Variants in LYN observed in about 807,000 individuals in gnomAD.
LYN encodes the protein tyrosine-protein kinase Lyn.
In LYN, 12 loss-of-function variants were observed where a neutral mutation model predicts 65.0. That is an observed-to-expected ratio of 0.18 (90% CI 0.12 to 0.30). LYN has a LOEUF of 0.30. Ranked by LOEUF, LYN falls within the 10% of genes least tolerant of loss-of-function variation. The pLI is 1.00. For missense variants in LYN, 380 were observed against 623.2 expected, an observed-to-expected ratio of 0.61 and a Z score of 4.16; for synonymous variants, 222 against 221.2, an observed-to-expected ratio of 1.00 and a Z score of -0.03.
At chr8:55,908,903 C>T (rs1805503958) in intron 1 of LYN, among the ~76,000 whole-genome samples, 1 of 150,272 alleles carries the variant, frequency 6.7e-6, no homozygotes, top group South Asian at 2.1e-4. Context: ...TATGTTGCTG[C>T]AAAATACATA....
intron 10 of LYN, among the ~76,000 whole-genome samples, chr8:55,994,071 G>A (rs1808312416): frequency 6.6e-6 from 1 of 152,172 alleles, no homozygotes; most frequent in African/African-American, 2.4e-5. Context: ...ATTTCTTCCT[G>A]CTGTTTGAAA....
chr8:55,970,379 C>G (rs1318101389), intron 10 of LYN, among the ~76,000 whole-genome samples: 1 of 152,178 alleles, frequency 6.6e-6, no homozygotes, highest in Non-Finnish European at 1.5e-5. Context: ...AGAGCAGAAG[C>G]AAGTTATCCA....
intron 1 of LYN, among the ~76,000 whole-genome samples, chr8:55,907,885 T>C (rs924952651): frequency 6.6e-6 from 1 of 151,868 alleles, no homozygotes; most frequent in African/African-American, 2.4e-5. Flanking sequence ...AGTAAGTAGT[T>C]TAAATAAATA....
intron 12 of LYN, among the ~76,000 whole-genome samples, chr8:56,008,306 C>T (rs1808729119): frequency 6.6e-6 from 1 of 152,148 alleles, no homozygotes. Flanking sequence ...TCCCCTGAAG[C>T]TGCCACTTAT....
intron 1 of LYN, among the ~76,000 whole-genome samples, chr8:55,938,422 G>A (rs1263982540): frequency 6.6e-6 from 1 of 152,212 alleles, no homozygotes; most frequent in Non-Finnish European, 1.5e-5. Context: ...GATATAAAGT[G>A]CATTATAAGC....
Position 56,012,597 on chromosome 8 carries a change from T to G in LYN, c.*2487T>G, listed in dbSNP as rs1360035001. The G allele has an allele frequency of 6.5e-6, 1 of 153,012 alleles. No homozygotes were observed. Among genetic ancestry groups the G allele is most frequent in the African/African-American group, 2.4e-5 (1 of 41,424 alleles). The allele number at this position is 153,012 out of a possible 1,614,324, so 9.5% of individuals were successfully genotyped here. On this transcript the variant is annotated 3_prime_UTR_variant, in exon 13 of 13. Transcript: ENST00000519728. ...AGCTAAGTGTGGTGGCACATACCTA[T>G]GGTCCCAGCTACTCAGGAGGCTGAG... is the stretch of plus-strand genomic sequence containing the variant.
intron 12 of LYN, among the ~76,000 whole-genome samples, chr8:56,005,331 A>G (rs1187517994): frequency 6.6e-6 from 1 of 152,180 alleles, no homozygotes. Flanking sequence ...CTGGTCTTCC[A>G]TACCACACTT....
At chr8:55,994,117 A>G (rs2130575259) in intron 10 of LYN, among the ~76,000 whole-genome samples, 1 of 152,304 alleles carries the variant, frequency 6.6e-6, no homozygotes, top group South Asian at 2.1e-4. Flanking sequence ...TAAATAGACC[A>G]CCTTCAACAA....
chr8:55,934,347 AT>A (rs774025589), intron 1 of LYN, among the ~76,000 whole-genome samples: 1 of 152,220 alleles, frequency 6.6e-6, no homozygotes, highest in Non-Finnish European at 1.5e-5. Flanking sequence ...GTCTTCCATC[AT>A]TACTGTTTCT....
intron 12 of LYN, among the ~76,000 whole-genome samples, chr8:56,003,525 C>T (rs923904619): frequency 1.3e-5 from 2 of 151,826 alleles, no homozygotes; most frequent in Non-Finnish European, 2.9e-5. Context: ...AAAATTAGCC[C>T]GGCGTGGTGG....
At chr8:55,881,031 C>A (rs1427875677) in intron 1 of LYN, among the ~76,000 whole-genome samples, 1 of 152,106 alleles carries the variant, frequency 6.6e-6, no homozygotes, top group Non-Finnish European at 1.5e-5. Context: ...TTTAGGGGAC[C>A]GATTATTGAA....
Position 55,939,462 on chromosome 8 carries a change from AAGAG to A in LYN, c.-5-2371_-5-2368del, listed in dbSNP as rs111951441. 4.1e-3 allele frequency among the ~76,000 whole-genome samples: 603 copies of A among 148,276 alleles called. 4 individuals carry two copies. The highest frequency in any genetic ancestry group is 7.2e-3 in the African/African-American group (286 of 39,596). On this transcript the variant is annotated intron_variant, in intron 1 of 12. Coordinates refer to ENST00000519728, the MANE Select transcript of LYN (RefSeq NM_002350.4). ...TTTCCGTCCTTCCTTTTCCCAAGAG[AAGAG>A]AGAGAGAGAGAGAGAGAGAGAACGC...
chr8:55,998,566 A>C, intron 11 of LYN, 67 bp downstream of exon 11: 1 of 1,487,732 alleles, frequency 6.7e-7, no homozygotes, highest in Non-Finnish European at 9.3e-7. Context: ...TCTGTTTTTG[A>C]CAAAGCAATT....
At chr8:55,977,649 A>G (rs1327791309) in intron 10 of LYN, among the ~76,000 whole-genome samples, 1 of 151,694 alleles carries the variant, frequency 6.6e-6, no homozygotes, top group Non-Finnish European at 1.5e-5. Flanking sequence ...ACAGTGGCTC[A>G]TGCCTGTAAT....
chr8:55,939,176 G>A (rs1422427855), intron 1 of LYN, among the ~76,000 whole-genome samples: 2 of 152,266 alleles, frequency 1.3e-5, no homozygotes, highest in East Asian at 3.9e-4. Context: ...CATGTCACAT[G>A]GAGGACCTCT....
intron 8 of LYN, among the ~76,000 whole-genome samples, chr8:55,959,288 T>C (rs962358383): frequency 3.9e-5 from 6 of 152,380 alleles, no homozygotes; most frequent in African/African-American, 1.4e-4. Context: ...CTACATCTTC[T>C]TTGGAGAAAC....
At chr8:55,940,167 C>G (rs1806566930) in intron 1 of LYN, 1 of 152,230 alleles carries the variant, frequency 6.6e-6, no homozygotes, top group Non-Finnish European at 1.5e-5. Context: ...CCACCTCTCC[C>G]CCTTCCCCAA....
chr8:55,951,693 C>A, intron 6 of LYN, among the ~76,000 whole-genome samples: 1 of 149,804 alleles, frequency 6.7e-6, no homozygotes, highest in African/African-American at 2.5e-5. Flanking sequence ...ATCAAAGTAA[C>A]TTAAAAAAAT....
intron 1 of LYN, among the ~76,000 whole-genome samples, chr8:55,916,511 T>C (rs1223653057): frequency 6.6e-6 from 1 of 151,992 alleles, no homozygotes; most frequent in East Asian, 1.9e-4. Context: ...TGAAGACATG[T>C]ATCTACACCG....
Sources: allele counts gnomAD v4.1 joint callset (sites outside exome capture counted in the v4.1 genomes callset), GRCh38; gene constraint gnomAD v4.1.1; transcripts MANE v1.5; gene names NCBI Gene and HGNC (gene_info 2026-07-23, HGNC 2026-07-21).